Variants in HIVEP3 observed in about 807,000 individuals in gnomAD.
HIVEP3 encodes the protein transcription factor HIVEP3.
A neutral mutation model predicts 152.8 loss-of-function variants in HIVEP3; 49 were observed. The ratio of observed to expected loss-of-function variants is 0.32; its 90% confidence interval spans 0.26 to 0.41. The LOEUF is 0.41. Among genes scored for constraint, HIVEP3 ranks in the 10% least tolerant of loss-of-function variants. The pLI is 1.00. For synonymous variants in HIVEP3, 1,269 were observed against 1,289.0 expected (o/e 0.98, Z 0.33); for missense variants, 2,790 against 3,103.3 (o/e 0.90, Z 2.40).
intron 1 of HIVEP3, among the ~76,000 whole-genome samples, chr1:41,993,958 C>G (rs1473337533): frequency 1.5e-5 from 2 of 134,774 alleles, no homozygotes; most frequent in African/African-American, 5.7e-5. Context: ...AATGAGATCA[C>G]ATGGACACAG....
intron 5 of HIVEP3, among the ~76,000 whole-genome samples, chr1:41,544,823 C>T (rs982920451): frequency 0.035 from 3,694 of 106,496 alleles, 7 homozygotes; most frequent in Non-Finnish European, 0.055. Flanking sequence ...CCACCTCTAC[C>T]ACCACCATCA....
chr1:41,635,060 A>G (rs1645249050), intron 2 of HIVEP3, among the ~76,000 whole-genome samples: 1 of 152,184 alleles, frequency 6.6e-6, no homozygotes, highest in African/African-American at 2.4e-5. Flanking sequence ...AGAAAATCTC[A>G]AATTCCAAAA....
chr1:41,909,251 A>G (rs1644760841), intron 1 of HIVEP3, among the ~76,000 whole-genome samples: 1 of 152,170 alleles, frequency 6.6e-6, no homozygotes, highest in Non-Finnish European at 1.5e-5. Flanking sequence ...AGAAGTTGTC[A>G]CCAACAGACC....
intron 5 of HIVEP3, among the ~76,000 whole-genome samples, chr1:41,557,875 G>A (rs1243211717): frequency 6.6e-6 from 1 of 152,206 alleles, no homozygotes; most frequent in East Asian, 1.9e-4. Context: ...CGCTTGGTGA[G>A]GCATGGCGAG....
At chr1:41,550,929 A>T (rs1643887384) in intron 5 of HIVEP3, among the ~76,000 whole-genome samples, 2 of 152,220 alleles carry the variant, frequency 1.3e-5, no homozygotes, top group Non-Finnish European at 2.9e-5. Flanking sequence ...AGGAGTGGTG[A>T]GAGAGGGCAT....
chr1:41,733,158 C>T (rs1271140023), intron 1 of HIVEP3, among the ~76,000 whole-genome samples: 1 of 152,110 alleles, frequency 6.6e-6, no homozygotes, highest in African/African-American at 2.4e-5. Context: ...CCAGGGACTG[C>T]TGGCATCTTC....
intron 5 of HIVEP3, among the ~76,000 whole-genome samples, chr1:41,527,144 C>T (rs1437234619): frequency 4.5e-5 from 6 of 132,138 alleles, no homozygotes; most frequent in African/African-American, 1.4e-4. Context: ...CCTCACACAC[C>T]CTCACATGCT....
chr1:41,581,706 G>A lies in HIVEP3; in HGVS notation c.3092C>T (p.Pro1031Leu), dbSNP rs1269301632. 1.2e-6 allele frequency: 2 copies of A among 1,613,104 alleles called. No individual in the cohort carries two copies. The highest frequency in any genetic ancestry group is 1.7e-5 in the Admixed American group (1 of 59,814). ...TGPSAPAPVA[P>L]PARVAPPERR... ...CTCTGGCGGGGCCACCCGCGCTGGT[G>A]GAGCCACTGGGGCTGGAGCAGAAGG... Residue 1031 changes from proline to leucine, a missense_variant, in exon 4 of 9, where the codon CCA becomes CTA. Pro to Leu is a moderately conservative substitution (Grantham distance 98, BLOSUM62 -3). This residue lies in a region of HIVEP3 where 1,078 missense variants were observed against 1,165.3 expected (regional missense o/e 0.93). Coordinates refer to ENST00000372583, the MANE Select transcript of HIVEP3 (RefSeq NM_024503.5). The surrounding 1 kb of genome is among the most constrained non-coding windows in gnomAD (Gnocchi z 4.5).
intron 1 of HIVEP3, among the ~76,000 whole-genome samples, chr1:41,937,248 T>A (rs1391711445): frequency 1.3e-5 from 2 of 152,170 alleles, no homozygotes; most frequent in Non-Finnish European, 2.9e-5. Flanking sequence ...AGAGTTCACA[T>A]GGAGCCTACC....
intron 3 of HIVEP3, among the ~76,000 whole-genome samples, chr1:41,608,124 C>T (rs1435384315): frequency 6.6e-6 from 1 of 152,182 alleles, no homozygotes; most frequent in Non-Finnish European, 1.5e-5. Context: ...CTACATAGGG[C>T]TTCCCGTGAG....
chr1:41,654,881 C>T (rs1645606533), intron 2 of HIVEP3, among the ~76,000 whole-genome samples: 1 of 152,188 alleles, frequency 6.6e-6, no homozygotes, highest in Non-Finnish European at 1.5e-5. Context: ...CCCCTCATTT[C>T]TGACACAGTC....
chr1:41,753,547 A>C (rs374128668), intron 1 of HIVEP3, among the ~76,000 whole-genome samples: 7 of 152,182 alleles, frequency 4.6e-5, no homozygotes, highest in African/African-American at 1.7e-4. Context: ...ATGTGCCTGT[A>C]ATCCCAACTA....
Position 41,513,059 on chromosome 1 carries a change from T to C in HIVEP3, c.6162A>G (p.Lys2054=). ...GGCCTGGGTCGGTGGTACCCTCGAG[T>C]TTGGAGAGCACATGTGCTCGAGGGG... is the stretch of plus-strand genomic sequence containing the variant. The part of the protein sequence containing the change: ...ELAPRAHVLS[K]LEGTTDPGLP... Residue 2054 remains lysine, a synonymous_variant, in exon 8 of 9, where the codon AAA becomes AAG. Coordinates refer to ENST00000372583, the MANE Select transcript of HIVEP3 (RefSeq NM_024503.5). 1.2e-6 allele frequency: 2 copies of C among 1,613,288 alleles called. No homozygotes were observed. Among genetic ancestry groups the C allele is most frequent in the Non-Finnish European group, 1.7e-6 (2 of 1,179,834 alleles).
At chr1:41,555,633 G>A (rs1450601203) in intron 5 of HIVEP3, among the ~76,000 whole-genome samples, 2 of 152,208 alleles carry the variant, frequency 1.3e-5, no homozygotes, top group East Asian at 3.8e-4. Context: ...TCTTGGAACT[G>A]CCCTGAACCA....
At chr1:41,758,180 C>T (rs1445903230) in intron 1 of HIVEP3, among the ~76,000 whole-genome samples, 1 of 152,122 alleles carries the variant, frequency 6.6e-6, no homozygotes, top group Non-Finnish European at 1.5e-5. Context: ...CTTCCCCGGA[C>T]AGGTTTTGGT....
chr1:41,559,692 G>A (rs953900428), intron 5 of HIVEP3, among the ~76,000 whole-genome samples: 1 of 152,140 alleles, frequency 6.6e-6, no homozygotes, highest in South Asian at 2.1e-4. Flanking sequence ...TATACTAAGC[G>A]GGGGTCAAGA....
chr1:41,646,064 A>G (rs957783638), intron 2 of HIVEP3, among the ~76,000 whole-genome samples: 8 of 152,018 alleles, frequency 5.3e-5, no homozygotes, highest in Admixed American at 3.3e-4. Context: ...CTTATGGGAG[A>G]TGCTCGGTGA....
chr1:41,948,165 G>C (rs1021108602), intron 1 of HIVEP3, among the ~76,000 whole-genome samples: 3 of 152,178 alleles, frequency 2.0e-5, no homozygotes, highest in African/African-American at 7.2e-5. Flanking sequence ...CGTAGAAAAA[G>C]GACTTCGAAA....
chr1:41,756,631 A>G (rs1460873311), intron 1 of HIVEP3, among the ~76,000 whole-genome samples: 1 of 152,258 alleles, frequency 6.6e-6, no homozygotes, highest in Non-Finnish European at 1.5e-5. Flanking sequence ...AATATATCCA[A>G]TGGAATATTA....
Sources: allele counts gnomAD v4.1 joint callset (sites outside exome capture counted in the v4.1 genomes callset), GRCh38; gene constraint gnomAD v4.1.1; regional missense constraint gnomAD v4.1.1; non-coding constraint Gnocchi (gnomAD v3.1); transcripts MANE v1.5; gene names NCBI Gene and HGNC (gene_info 2026-07-23, HGNC 2026-07-21).